Variants in AGPS observed in about 807,000 individuals in gnomAD.
AGPS encodes the protein alkyldihydroxyacetonephosphate synthase, peroxisomal.
Under a neutral mutation model 90.7 loss-of-function variants are expected in AGPS, and 26 were observed. The ratio of observed to expected loss-of-function variants is 0.29; its 90% CI spans 0.21 to 0.40. The LOEUF (loss-of-function observed/expected upper bound fraction) is 0.40, where lower values mean the gene tolerates loss of function less well. AGPS is among the 10% of genes least tolerant of loss of function. The probability of loss-of-function intolerance (pLI) is 1.00; values close to 1 mark genes in which losing one functional copy is unlikely to be tolerated. For missense variants in AGPS, 540 were observed against 816.1 expected (o/e 0.66, Z 4.12); for synonymous variants, 294 against 285.3 (o/e 1.03, Z -0.31).
At chr2:177,394,671 C>T (rs57867889) in intron 1 of AGPS, among the ~76,000 whole-genome samples, 2,443 of 152,278 alleles carry the variant, frequency 0.016, 34 homozygotes, top group African/African-American at 0.025. Context: ...TCCACTACAC[C>T]GTTACAGCTC....
At chr2:177,468,324 T>C in intron 9 of AGPS, 92 bp from the exon 10 acceptor site, 2 of 694,626 alleles carry the variant, frequency 2.9e-6, no homozygotes, top group Non-Finnish European at 5.0e-6. Context: ...ACTTTAAAAG[T>C]AGGTTTTACA....
At chr2:177,410,085 C>G (rs543877513) in intron 1 of AGPS, among the ~76,000 whole-genome samples, 2 of 152,244 alleles carry the variant, frequency 1.3e-5, no homozygotes. Context: ...GCTAGCCATC[C>G]TGAGGGGAGG....
chr2:177,509,596 G>T (rs1688810339), intron 16 of AGPS, among the ~76,000 whole-genome samples: 2 of 151,440 alleles, frequency 1.3e-5, no homozygotes, highest in South Asian at 4.2e-4. Context: ...AACCCGGGAG[G>T]CGGGGCTTGC....
intron 2 of AGPS, among the ~76,000 whole-genome samples, chr2:177,432,619 G>T (rs1686276694): frequency 6.6e-6 from 1 of 152,224 alleles, no homozygotes; most frequent in Non-Finnish European, 1.5e-5. Context: ...TTTAGTGATA[G>T]AAGGTAGTTT....
At chr2:177,426,852 C>T (rs902710992) in intron 2 of AGPS, among the ~76,000 whole-genome samples, 1 of 152,062 alleles carries the variant, frequency 6.6e-6, no homozygotes, top group Non-Finnish European at 1.5e-5. Flanking sequence ...GTGTCTCTGC[C>T]AGGTTTTGGT....
intron 17 of AGPS, among the ~76,000 whole-genome samples, chr2:177,516,765 TATTTTACTA>T (rs1282984675): frequency 6.6e-6 from 1 of 152,174 alleles, no homozygotes; most frequent in African/African-American, 2.4e-5. Flanking sequence ...GAGTGATATA[TATTTTACTA>T]ATTTCTGCAA....
rs1025190034 is a variant in AGPS at position 177,465,916 on chromosome 2, G to T, written c.997-2500G>T. Among the ~76,000 whole-genome samples the T allele has an allele frequency of 2.6e-5, 4 of 152,348 alleles. No homozygotes were observed. The South Asian group carries it at 8.3e-4, about 32-fold the overall frequency. On this transcript the variant is annotated intron_variant, in intron 9 of 19. Transcript: ENST00000264167. ...TTTGTGTTACAGCCCTTTCAGCTCC[G>T]CCATTTAGCGGGTCCTGAGTTTTTG...
chr2:177,429,841 C>T (rs1686187186), intron 2 of AGPS, among the ~76,000 whole-genome samples: 1 of 152,204 alleles, frequency 6.6e-6, no homozygotes, highest in Non-Finnish European at 1.5e-5. Context: ...TTGGGGATAA[C>T]CCTTTCATGT....
At chr2:177,444,984 C>A (rs1057444777) in intron 7 of AGPS, among the ~76,000 whole-genome samples, 19 of 152,172 alleles carry the variant, frequency 1.2e-4, no homozygotes, top group African/African-American at 4.3e-4. Context: ...CATGGGGTCT[C>A]TGGCCCTGTT....
chr2:177,535,020 A>G (rs1360676273), intron 19 of AGPS, among the ~76,000 whole-genome samples: 1 of 152,108 alleles, frequency 6.6e-6, no homozygotes, highest in Non-Finnish European at 1.5e-5. Flanking sequence ...AATGCAAGGT[A>G]CTTATCTTGT....
At chr2:177,433,251 G>A (rs1375603692) in intron 2 of AGPS, among the ~76,000 whole-genome samples, 1 of 152,176 alleles carries the variant, frequency 6.6e-6, no homozygotes, top group African/African-American at 2.4e-5. Context: ...TTTCAAAATG[G>A]AGGATATCCA....
At chr2:177,412,047 C>T (rs567608147) in intron 1 of AGPS, among the ~76,000 whole-genome samples, 1 of 152,088 alleles carries the variant, frequency 6.6e-6, no homozygotes, top group East Asian at 1.9e-4. Context: ...ACACGAGGGA[C>T]AAGACTCACT....
At chr2:177,534,525 T>C (rs935553448) in intron 19 of AGPS, among the ~76,000 whole-genome samples, 8 of 151,722 alleles carry the variant, frequency 5.3e-5, no homozygotes, top group Non-Finnish European at 1.0e-4. Context: ...ACTCCATTTT[T>C]AATTTAAGCA....
chr2:177,393,115 C>T, intron 1 of AGPS, 66 bp downstream of exon 1: 1 of 1,549,780 alleles, frequency 6.5e-7, no homozygotes, highest in Non-Finnish European at 8.7e-7. Context: ...TGCAGGAGGG[C>T]ACAGGCGAGG....
chr2:177,523,469 T>C (rs1336709767), intron 18 of AGPS, among the ~76,000 whole-genome samples: 2 of 152,244 alleles, frequency 1.3e-5, no homozygotes, highest in African/African-American at 4.8e-5. Flanking sequence ...ATTAATATTA[T>C]TAACAATTTA....
intron 11 of AGPS, among the ~76,000 whole-genome samples, chr2:177,484,565 C>G (rs761732428): frequency 1.3e-5 from 2 of 151,934 alleles, no homozygotes; most frequent in Admixed American, 1.3e-4. Context: ...AGGCTCGTCT[C>G]GAACTCCTGA....
chr2:177,498,130 A>G (rs1688462010), intron 13 of AGPS, among the ~76,000 whole-genome samples: 1 of 151,762 alleles, frequency 6.6e-6, no homozygotes, highest in African/African-American at 2.4e-5. Context: ...CCATCTTATA[A>G]TACATGTGTG....
chr2:177,435,232 T>C (rs1464827687), intron 3 of AGPS, among the ~76,000 whole-genome samples: 1 of 151,924 alleles, frequency 6.6e-6, no homozygotes, highest in Non-Finnish European at 1.5e-5. Context: ...CAACTTGTTG[T>C]TAAGTGGTAT....
chr2:177,430,519 G>A (rs1686211239), intron 2 of AGPS, among the ~76,000 whole-genome samples: 2 of 152,228 alleles, frequency 1.3e-5, no homozygotes, highest in South Asian at 4.1e-4. Flanking sequence ...TGATCCACAG[G>A]TTACAAATAT....
Sources: allele counts gnomAD v4.1 joint callset (sites outside exome capture counted in the v4.1 genomes callset), GRCh38; gene constraint gnomAD v4.1.1; transcripts MANE v1.5; gene names NCBI Gene and HGNC (gene_info 2026-07-23, HGNC 2026-07-21).